MAP3K9: variants seen among roughly 807,000 people sequenced by gnomAD.
The protein encoded by MAP3K9 is mitogen-activated protein kinase kinase kinase 9.
MAP3K9 carries 46 observed loss-of-function variants against 95.8 expected under a neutral mutation model. The ratio of observed to expected loss-of-function variants is 0.48; its 90% CI spans 0.38 to 0.61. The LOEUF (loss-of-function observed/expected upper bound fraction) is 0.61. Among genes scored for constraint, MAP3K9 ranks in the 20% least tolerant of loss-of-function variants. The pLI, the probability that MAP3K9 is intolerant of heterozygous loss-of-function variation, is 0.00. For missense variants in MAP3K9, 1,296 were observed against 1,474.3 expected (o/e 0.88, Z 1.98); for synonymous variants, 533 against 593.8 (o/e 0.90, Z 1.49).
At chr14:70,789,106 T>A (rs1566763294) in intron 2 of MAP3K9, among the ~76,000 whole-genome samples, 1 of 152,216 alleles carries the variant, frequency 6.6e-6, no homozygotes, top group Non-Finnish European at 1.5e-5. Context: ...AGCCAAAGGC[T>A]GTAACAGACA....
In MAP3K9 at chr14:70,742,394, G is replaced by T; in HGVS notation, c.1524C>A (p.Ser508Arg). Reference sequence around the variant, plus strand: ...GGTTGCCATCCTTGAGCTTCAGCCGGCTCTTCCTGAACTTGCCCTTGCGTT... The same window carrying T: ...GGTTGCCATCCTTGAGCTTCAGCCGTCTCTTCCTGAACTTGCCCTTGCGTT... Reference protein sequence around the residue: ...VKKRKGKFRKSRLKLKDGNRI... With the variant: ...VKKRKGKFRKRRLKLKDGNRI... Residue 508 changes from serine to arginine, a missense_variant, in exon 6 of 12, where the codon AGC becomes AGA. Physicochemically the swap from Ser to Arg is moderately radical, Grantham distance 110. Coordinates refer to ENST00000554752, the MANE Select transcript of MAP3K9 (RefSeq NM_001284230.2). 1 of 1,614,194 alleles carries T rather than the reference G, an allele frequency of 6.2e-7. No individual in the cohort carries two copies. The highest frequency in any genetic ancestry group is 8.5e-7 in the Non-Finnish European group (1 of 1,180,040).
At chr14:70,770,605 G>A (rs573758698) in intron 2 of MAP3K9, among the ~76,000 whole-genome samples, 22 of 152,302 alleles carry the variant, frequency 1.4e-4, no homozygotes, top group African/African-American at 5.3e-4. Context: ...GGCGACAGAA[G>A]CTTCATCAGC....
chr14:70,781,512 T>C (rs11158881), intron 2 of MAP3K9, among the ~76,000 whole-genome samples: 37,023 of 152,176 alleles, frequency 0.24, 4,683 homozygotes, highest in East Asian at 0.33. Flanking sequence ...ATGTTCTTGT[T>C]TGGGGTCGTT....
At chr14:70,758,998 C>T (rs2054334200) in intron 3 of MAP3K9, among the ~76,000 whole-genome samples, 1 of 152,116 alleles carries the variant, frequency 6.6e-6, no homozygotes, top group African/African-American at 2.4e-5. Flanking sequence ...TCACAAAAGA[C>T]CACAAATGGT....
chr14:70,787,474 C>T lies in MAP3K9; in HGVS notation c.820+13193G>A, dbSNP rs369987368. On this transcript the variant is annotated intron_variant, in intron 2 of 11. Transcript: ENST00000554752. ...AGCAAGCCGAGATGGCACCACTGCA[C>T]ACCAGCTCGGGCAACAGTACAAGAC... 9.4e-5 allele frequency among the ~76,000 whole-genome samples: 14 copies of T among 148,204 alleles called. No individual in the cohort carries two copies. The South Asian group carries it at 2.8e-3, about 30-fold the overall frequency.
intron 2 of MAP3K9, among the ~76,000 whole-genome samples, chr14:70,770,306 A>G (rs2054513576): frequency 6.6e-6 from 1 of 151,932 alleles, no homozygotes; most frequent in African/African-American, 2.4e-5. Flanking sequence ...TCGGCCTCCC[A>G]TGTAGCTGGG....
chr14:70,754,338 T>A (rs1183714652), intron 3 of MAP3K9, among the ~76,000 whole-genome samples: 1 of 152,200 alleles, frequency 6.6e-6, no homozygotes, highest in East Asian at 1.9e-4. Flanking sequence ...GATAGGCAGA[T>A]GAGCACATGA....
chr14:70,765,430 C>T (rs55941560), intron 2 of MAP3K9: 29,398 of 690,026 alleles, frequency 0.043, 856 homozygotes, highest in East Asian at 0.12. Context: ...CATTCACTCA[C>T]CACTCACTCA....
At chr14:70,737,363 G>A (rs577786628) in intron 8 of MAP3K9, among the ~76,000 whole-genome samples, 1 of 152,280 alleles carries the variant, frequency 6.6e-6, no homozygotes. Flanking sequence ...AAAACATAAC[G>A]TCACACAGCT....
chr14:70,787,193 G>T (rs1339651258), intron 2 of MAP3K9, among the ~76,000 whole-genome samples: 1 of 151,840 alleles, frequency 6.6e-6, no homozygotes. Context: ...ACAAGGATTT[G>T]CAGAGAAAGA....
At chr14:70,799,132 C>G (rs118015541) in intron 2 of MAP3K9, among the ~76,000 whole-genome samples, 1,581 of 152,152 alleles carry the variant, frequency 0.01, 19 homozygotes, top group Non-Finnish European at 0.017. Context: ...TTCTTTTTAG[C>G]TGCACTTTCT....
intron 2 of MAP3K9, among the ~76,000 whole-genome samples, chr14:70,791,948 C>G (rs1357253913): frequency 6.6e-6 from 1 of 152,148 alleles, no homozygotes; most frequent in Non-Finnish European, 1.5e-5. Context: ...CACAAAGGCA[C>G]AGGACAAAAG....
At chr14:70,739,942 T>C (rs1331398165) in intron 7 of MAP3K9, 100 bp downstream of exon 7, 1 of 1,613,962 alleles carries the variant, frequency 6.2e-7, no homozygotes, top group Non-Finnish European at 8.5e-7. Flanking sequence ...GTGGCAGAAG[T>C]TATGGATGGA....
chr14:70,797,359 T>A (rs1261278289), intron 2 of MAP3K9, among the ~76,000 whole-genome samples: 2 of 151,966 alleles, frequency 1.3e-5, no homozygotes, highest in African/African-American at 4.8e-5. Context: ...AGAAGTGGCA[T>A]AACACTTCTA....
At chr14:70,775,710 A>G (rs1360892458) in intron 2 of MAP3K9, among the ~76,000 whole-genome samples, 1 of 152,220 alleles carries the variant, frequency 6.6e-6, no homozygotes, top group Non-Finnish European at 1.5e-5. Flanking sequence ...AGAACAGAAG[A>G]GAACTGGAAG....
At chr14:70,752,137 T>C (rs1259077281) in intron 3 of MAP3K9, among the ~76,000 whole-genome samples, 1 of 152,240 alleles carries the variant, frequency 6.6e-6, no homozygotes, top group African/African-American at 2.4e-5. Context: ...CCAGTTGGTC[T>C]TGACTCGTCT....
intron 2 of MAP3K9, among the ~76,000 whole-genome samples, chr14:70,774,432 G>A (rs939093727): frequency 1.3e-5 from 2 of 152,142 alleles, no homozygotes; most frequent in Admixed American, 1.3e-4. Context: ...TTGGGAGGTC[G>A]AGGCGGGTGG....
At chr14:70,735,131 G>A (rs969774989) in intron 9 of MAP3K9, among the ~76,000 whole-genome samples, 1 of 152,206 alleles carries the variant, frequency 6.6e-6, no homozygotes, top group Non-Finnish European at 1.5e-5. Flanking sequence ...GGTCTGTCTG[G>A]GGGTGGAGAG....
intron 2 of MAP3K9, among the ~76,000 whole-genome samples, chr14:70,775,112 C>T (rs576202133): frequency 2.0e-5 from 3 of 149,850 alleles, no homozygotes; most frequent in Admixed American, 6.7e-5. Context: ...TCATCATTGT[C>T]GAAATCCAAA....
Sources: allele counts gnomAD v4.1 joint callset (sites outside exome capture counted in the v4.1 genomes callset), GRCh38; gene constraint gnomAD v4.1.1; transcripts MANE v1.5; gene names NCBI Gene and HGNC (gene_info 2026-07-23, HGNC 2026-07-21).